Variants in ZXDA observed in about 807,000 individuals in gnomAD.
ZXDA encodes the protein zinc finger X-linked protein ZXDA.
ZXDA carries 5 observed loss-of-function variants against 10.1 expected under a neutral mutation model. The ratio of observed to expected loss-of-function variants is 0.50; its 90% CI spans 0.26 to 1.04. The LOEUF (loss-of-function observed/expected upper bound fraction) is 1.04. ZXDA is among the 50% of genes least tolerant of loss of function. The pLI, the probability that ZXDA is intolerant of heterozygous loss-of-function variation, is 0.14. For missense variants in ZXDA, 501 were observed against 672.4 expected, an observed-to-expected ratio of 0.75 and a Z score of 2.82; for synonymous variants, 266 against 313.1, an observed-to-expected ratio of 0.85 and a Z score of 1.59.
Position 57,908,008 on chromosome X carries a change from G to T in ZXDA, c.*13C>A, listed in dbSNP as rs367866873. On this transcript the variant is annotated 3_prime_UTR_variant, in exon 1 of 1. Transcript: ENST00000358697. ...AAAAGTTAGCCACATGGCAAGGAAT[G>T]AATAGAGTTGCTTCATACCAAAAAT... The T allele has an allele frequency of 4.6e-4, 546 of 1,196,294 alleles. 1 individual carries two copies. Among genetic ancestry groups the T allele is most frequent in the Middle Eastern group, 7.0e-4 (3 of 4,256 alleles).
rs762895893 is a variant in ZXDA at position 57,910,145 on chromosome X, C to T, written c.276G>A (p.Leu92=). 2 of 1,202,540 alleles carry T rather than the reference C, an allele frequency of 1.7e-6. No homozygotes were observed. The highest frequency in any genetic ancestry group is 2.2e-6 in the Non-Finnish European group (2 of 893,882). Residue 92 remains leucine, a synonymous_variant, in exon 1 of 1, where the codon CTG becomes CTA. Coordinates refer to ENST00000358697, the MANE Select transcript of ZXDA (RefSeq NM_007156.5). ...CCACGTCGCCACCCACCGGGTCAAG[C>T]AGCACCAGGAAGAAGTCGTCGCCGC... The part of the protein sequence containing the change: ...SGGGDDFFLV[L]LDPVGGDVET...
chrX:57,909,701 C>A lies in ZXDA; in HGVS notation c.720G>T (p.Ala240=). ...CCAGGCCCTCCGCCTCCTCCTGGGG[C>A]GCCGGAGCAGGCGCGGGTTCTGCGG... The part of the protein sequence containing the change: ...AEPAEPAPAP[A]PQEEAEGLAA... The change falls in exon 1 of 1, where the codon GCG becomes GCT. Residue 240 remains alanine, a synonymous_variant. Transcript: ENST00000358697. The A allele has an allele frequency of 8.5e-7, 1 of 1,178,675 alleles. No homozygotes were observed. Among genetic ancestry groups the A allele is most frequent in the Non-Finnish European group, 1.1e-6 (1 of 879,726 alleles).
At position 57,907,497 on chromosome X, in the gene ZXDA, T is replaced by A. The variant is rs959297685; in HGVS notation, c.*524A>T. 1 of 112,007 alleles carries A rather than the reference T, an allele frequency of 8.9e-6. No individual in the cohort carries two copies. Among genetic ancestry groups the A allele is most frequent in the African/African-American group, 3.3e-5 (1 of 30,709 alleles). 9.2% of individuals were successfully genotyped at this position (112,007 alleles called of 1,213,427 possible). The stretch of plus-strand genomic sequence containing the variant: ...TACCTTCATCATTTAAAAAAAAGGT[T>A]AGAAGGATAAACAGCTAAGAAGAAC... On this transcript the variant is annotated 3_prime_UTR_variant, in exon 1 of 1. Coordinates refer to ENST00000358697, the MANE Select transcript of ZXDA (RefSeq NM_007156.5).
At position 57,908,775 on chromosome X, in the gene ZXDA, G is replaced by C. The variant is rs2014387943; in HGVS notation, c.1646C>G (p.Ser549Cys). The C allele has an allele frequency of 1.1e-5, 13 of 1,206,373 alleles. No homozygotes were observed. The highest frequency in any genetic ancestry group is 1.5e-5 in the Non-Finnish European group (13 of 892,993). The change falls in exon 1 of 1, where the codon TCT becomes TGT. Residue 549 changes from serine (S) to cysteine (C), a missense_variant. Physicochemically the swap from Ser to Cys is moderately radical, Grantham distance 112 (BLOSUM62 -1). This residue lies in a region of ZXDA where 171 missense variants were observed against 262.7 expected (regional missense o/e 0.65). Coordinates refer to ENST00000358697, the MANE Select transcript of ZXDA (RefSeq NM_007156.5). ...CTTGGATGTGAAGAGTTTATTACAA[G>C]AGGAGATCGGGCAACGGCTTTTCCA... is the stretch of plus-strand genomic sequence containing the variant. ...DTWKSRCPIS[S>C]CNKLFTSKHS... is the part of the protein sequence containing the mutation.
rs772421484 is a variant in ZXDA, at chrX:57,905,740, T to A, written c.*2281A>T. 5.1e-4 allele frequency among the ~76,000 whole-genome samples: 56 copies of A among 108,969 alleles called. No individual in the cohort carries two copies. Among genetic ancestry groups the A allele is most frequent in the East Asian group, 1.1e-3 (4 of 3,567 alleles). 94.6% of individuals were successfully genotyped at this position (108,969 alleles called of 115,157 possible). A position where few individuals can be genotyped will look rare whatever the true frequency, so the allele number is the denominator to read the frequency against. On this transcript the variant is annotated 3_prime_UTR_variant, in exon 1 of 1. Coordinates refer to ENST00000358697, the MANE Select transcript of ZXDA (RefSeq NM_007156.5). ...AGATCTTTATCCTAAAAAAAAAAAA[T>A]TTGTCCTTTGAAAATTCTATAGACC...
At position 57,907,983 on chromosome X, in the gene ZXDA, A is replaced by G. The variant is rs1432953771; in HGVS notation, c.*38T>C. On this transcript the variant is annotated 3_prime_UTR_variant, in exon 1 of 1. Coordinates refer to ENST00000358697, the MANE Select transcript of ZXDA (RefSeq NM_007156.5). ...GAATATCCTCAAAATTGACTGTAATAAAAGTTAGCCACATGGCAAGGAATG... is the reference window on the plus strand; with the variant it reads ...GAATATCCTCAAAATTGACTGTAATGAAAGTTAGCCACATGGCAAGGAATG... The G allele has an allele frequency of 8.5e-7, 1 of 1,171,422 alleles. No individual in the cohort carries two copies.
In ZXDA at chrX:57,909,396, G is replaced by C. The variant is rs2014396828; in HGVS notation, c.1025C>G (p.Thr342Ser). 1 of 1,210,327 alleles carries C rather than the reference G, an allele frequency of 8.3e-7. No homozygotes were observed. The highest frequency in any genetic ancestry group is 1.1e-6 in the Non-Finnish European group (1 of 895,333). Residue 342 changes from threonine to serine, a missense_variant, in exon 1 of 1, where the codon ACC becomes AGC. Transcript: ENST00000358697. ...GTGCGCCTTGAGGTTGTACACGGTG[G>C]TGAAGCTCTTGCCACAGCCCTCCGC... ...CPAEGCGKSF[T>S]TVYNLKAHMK... is the part of the protein sequence containing the mutation.
chrX:57,907,759 C>A lies in ZXDA; in HGVS notation c.*262G>T. 1 of 307,746 alleles carries A rather than the reference C, an allele frequency of 3.2e-6. No individual in the cohort carries two copies. Among genetic ancestry groups the A allele is most frequent in the Non-Finnish European group, 5.8e-6 (1 of 173,451 alleles). The allele number at this position is 307,746 out of a possible 1,213,427, so 25.4% of individuals were successfully genotyped here. The stretch of plus-strand genomic sequence containing the variant: ...CAAAACAAAACAAAACTGAAAAGAC[C>A]TTATGAGCAATGTGTTCAAACCACC... On this transcript the variant is annotated 3_prime_UTR_variant, in exon 1 of 1. Coordinates refer to ENST00000358697, the MANE Select transcript of ZXDA (RefSeq NM_007156.5).
rs1360105670 is a variant in ZXDA, at chrX:57,910,024, C to T, written c.397G>A (p.Ala133Thr). Residue 133 changes from alanine to threonine, a missense_variant, in exon 1 of 1, where the codon GCG becomes ACG. Coordinates refer to ENST00000358697, the MANE Select transcript of ZXDA (RefSeq NM_007156.5). Reference protein sequence around the residue: ...LQGDESGANPAGCSAQGPHCL... With the variant: ...LQGDESGANPTGCSAQGPHCL... ...TGGGGGCCCTGCGCAGAGCAGCCCG[C>T]GGGGTTCGCGCCGCTCTCGTCCCCC... 51 of 1,119,840 alleles carry T rather than the reference C, an allele frequency of 4.6e-5. 5 individuals carry two copies. Among genetic ancestry groups the T allele is most frequent in the Non-Finnish European group, 5.7e-5 (49 of 856,785 alleles). 92.3% of individuals were successfully genotyped at this position (1,119,840 alleles called of 1,213,427 possible).
Position 57,909,279 on chromosome X carries a change from C to G in ZXDA, c.1142G>C (p.Ser381Thr), listed in dbSNP as rs370655010. The change falls in exon 1 of 1, where the codon AGC becomes ACC. Residue 381 changes from serine (S) to threonine (T), a missense_variant. Ser to Thr is a moderately conservative substitution (Grantham distance 58). Coordinates refer to ENST00000358697, the MANE Select transcript of ZXDA (RefSeq NM_007156.5). ...GTAAGGCCTCTCGGGTTCGAAGTGGCTGCGCTGGTGGGCGCCGAGTTTGGC... is the reference window on the plus strand; with the variant it reads ...GTAAGGCCTCTCGGGTTCGAAGTGGGTGCGCTGGTGGGCGCCGAGTTTGGC... ...TQAKLGAHQR[S>T]HFEPERPYQC... is the part of the protein sequence containing the mutation. 54 of 1,210,605 alleles carry G rather than the reference C, an allele frequency of 4.5e-5. No individual in the cohort carries two copies. The highest frequency in any genetic ancestry group is 6.0e-5 in the Non-Finnish European group (54 of 895,368).
chrX:57,907,903 G>A lies in ZXDA; in HGVS notation c.*118C>T. The stretch of plus-strand genomic sequence containing the variant: ...TAGATCTCCAAACTCATAGTCCAGG[G>A]CTGTGCTCTTTTTGCAAACCAAAAA... On this transcript the variant is annotated 3_prime_UTR_variant, in exon 1 of 1. Transcript: ENST00000358697. The A allele has an allele frequency of 1.1e-6, 1 of 904,326 alleles. No homozygotes were observed. The highest frequency in any genetic ancestry group is 1.5e-6 in the Non-Finnish European group (1 of 656,188). The allele number at this position is 904,326 out of a possible 1,213,427, so 74.5% of individuals were successfully genotyped here. A position where few individuals can be genotyped will look rare whatever the true frequency, so the allele number is the denominator to read the frequency against.
rs1443226248 is a variant in ZXDA at position 57,906,322 on chromosome X, T to C, written c.*1699A>G. Reference sequence around the variant, plus strand: ...AACACCTTATATAAAATGTCTCCATTATTATCTGATTCATGTATAAACACA... The same window carrying C: ...AACACCTTATATAAAATGTCTCCATCATTATCTGATTCATGTATAAACACA... On this transcript the variant is annotated 3_prime_UTR_variant, in exon 1 of 1. Transcript: ENST00000358697. Among the ~76,000 whole-genome samples the C allele has an allele frequency of 8.9e-6, 1 of 112,290 alleles. No homozygotes were observed. Among genetic ancestry groups the C allele is most frequent in the Non-Finnish European group, 1.9e-5 (1 of 53,198 alleles).
Position 57,906,691 on chromosome X carries a change from T to C in ZXDA, c.*1330A>G, listed in dbSNP as rs1056910505. 3 of 99,006 alleles carry C rather than the reference T, an allele frequency of 3.0e-5. No individual in the cohort carries two copies. Among genetic ancestry groups the C allele is most frequent in the Non-Finnish European group, 2.0e-5 (1 of 49,874 alleles). 8.2% of individuals were successfully genotyped at this position (99,006 alleles called of 1,213,427 possible). On this transcript the variant is annotated 3_prime_UTR_variant, in exon 1 of 1. Coordinates refer to ENST00000358697, the MANE Select transcript of ZXDA (RefSeq NM_007156.5). ...ACACACACACACACACACACACACA[T>C]TACTAAGTGAAATACATTTGTAATC...
chrX:57,908,227 T>A lies in ZXDA; in HGVS notation c.2194A>T (p.Thr732Ser). 1 of 1,209,236 alleles carries A rather than the reference T, an allele frequency of 8.3e-7. No homozygotes were observed. Among genetic ancestry groups the A allele is most frequent in the Non-Finnish European group, 1.1e-6 (1 of 895,129 alleles). Residue 732 changes from threonine to serine, a missense_variant, in exon 1 of 1, where the codon ACT (threonine) becomes TCT (serine). Transcript: ENST00000358697. ...CAAAGGGTGCTCGAAGGAGTCAGAG[T>A]ATCTGTGTCCACTGTTAGCTTACTG... ...PSSKLTVDTD[T>S]LTPSSTLCEN...
Position 57,909,974 on chromosome X carries a change from C to T in ZXDA, c.447G>A (p.Pro149=), listed in dbSNP as rs776996690. The T allele has an allele frequency of 1.0e-4, 115 of 1,138,618 alleles. No individual in the cohort carries two copies. The highest frequency in any genetic ancestry group is 1.3e-4 in the Non-Finnish European group (109 of 862,708). The allele number at this position is 1,138,618 out of a possible 1,213,427, so 93.8% of individuals were successfully genotyped here. The part of the protein sequence containing the change: ...GPHCLSAVPT[P]APISAPGPAA... ...CGGGGCCGGGGGCGGAGATCGGGGC[C>T]GGAGTGGGAACCGCGGACAGGCAGT... Residue 149 remains proline (P), a synonymous_variant, in exon 1 of 1, where the codon CCG becomes CCA. Transcript: ENST00000358697.
Position 57,908,108 on chromosome X carries a change from C to G in ZXDA, c.2313G>C (p.Gln771His). 8.2e-7 allele frequency: 1 copy of G among 1,212,131 alleles called. No individual in the cohort carries two copies. The highest frequency in any genetic ancestry group is 1.1e-6 in the Non-Finnish European group (1 of 895,650). ...SDFFGQEGET[Q>H]FGFPNAAGNH... ...TTCCTGCTGCATTGGGGAATCCAAACTGGGTTTCTCCCTCCTGTCCAAAGA... is the reference window on the plus strand; with the variant it reads ...TTCCTGCTGCATTGGGGAATCCAAAGTGGGTTTCTCCCTCCTGTCCAAAGA... The change falls in exon 1 of 1, where the codon CAG becomes CAC. Residue 771 changes from glutamine (Q) to histidine (H), a missense_variant. Gln to His is a conservative substitution (Grantham distance 24, BLOSUM62 0). This residue lies in a region of ZXDA where 46 missense variants were observed against 54.1 expected (regional missense o/e 0.85). Coordinates refer to ENST00000358697, the MANE Select transcript of ZXDA (RefSeq NM_007156.5).
Position 57,909,670 on chromosome X carries a change from C to T in ZXDA, c.751G>A (p.Ala251Thr). Residue 251 changes from alanine to threonine, a missense_variant, in exon 1 of 1, where the codon GCC becomes ACC. Ala to Thr is a moderately conservative substitution (Grantham distance 58). Transcript: ENST00000358697. Reference protein sequence around the residue: ...PQEEAEGLAAALGPRGLLGSG... With the variant: ...PQEEAEGLAATLGPRGLLGSG... ...CCCAGCAGTCCGCGGGGGCCCAGGG[C>T]GGCGGCCAGGCCCTCCGCCTCCTCC... 2 of 1,180,424 alleles carry T rather than the reference C, an allele frequency of 1.7e-6. No homozygotes were observed.
rs766840565 is a variant in ZXDA, at chrX:57,909,791, C to T, written c.630G>A (p.Gly210=). The change falls in exon 1 of 1, where the codon GGG becomes GGA. Residue 210 remains glycine, a synonymous_variant. Coordinates refer to ENST00000358697, the MANE Select transcript of ZXDA (RefSeq NM_007156.5). ...CACCCGGGTGCGCGGCTTGCGGGAA[C>T]CCAGCTTGGGGGGCGATCAGACACC... is the stretch of plus-strand genomic sequence containing the variant. ...QPRCLIAPQA[G]FPQAAHPGDC... 1 of 1,201,349 alleles carries T rather than the reference C, an allele frequency of 8.3e-7. No individual in the cohort carries two copies. Among genetic ancestry groups the T allele is most frequent in the Non-Finnish European group, 1.1e-6 (1 of 891,250 alleles).
In ZXDA at chrX:57,910,329, C is replaced by T. The variant is rs1294617255; in HGVS notation, c.92G>A (p.Gly31Asp). 4 of 1,033,315 alleles carry T rather than the reference C, an allele frequency of 3.9e-6. No individual in the cohort carries two copies. In the East Asian group the frequency reaches 1.6e-4, roughly 43 times the overall value. 85.2% of individuals were successfully genotyped at this position (1,033,315 alleles called of 1,213,427 possible). The change falls in exon 1 of 1, where the codon GGC (glycine) becomes GAC (aspartate). Residue 31 changes from glycine (G) to aspartate (D), a missense_variant. Around this residue, in one of 5 missense-constraint regions of ZXDA, gnomAD observed 15 missense variants for 41.3 expected, o/e 0.36. Transcript: ENST00000358697. ...IPAGGGRVHR[G>D]PDSPAGQVPT... is the part of the protein sequence containing the mutation. The stretch of plus-strand genomic sequence containing the variant: ...GACCTGGCCAGCCGGCGAGTCAGGG[C>T]CTCGGTGGACTCGGCCGCCACCCGC...
Sources: allele counts gnomAD v4.1 joint callset (sites outside exome capture counted in the v4.1 genomes callset), GRCh38; gene constraint gnomAD v4.1.1; regional missense constraint gnomAD v4.1.1; transcripts MANE v1.5; gene names NCBI Gene and HGNC (gene_info 2026-07-23, HGNC 2026-07-21).